Variants in ZDHHC13 observed in about 807,000 individuals in gnomAD.
The protein encoded by ZDHHC13 is zDHHC palmitoyltransferase 13.
ZDHHC13 carries 85 observed loss-of-function variants against 86.0 expected under a neutral mutation model. That is an observed-to-expected ratio of 0.99 (90% confidence interval 0.83 to 1.18). The LOEUF is 1.18. ZDHHC13 is among the 50% of genes most tolerant of loss of function. The pLI, the probability that ZDHHC13 is intolerant of heterozygous loss-of-function variation, is 0.00. For missense variants in ZDHHC13, 711 were observed against 730.2 expected, an observed-to-expected ratio of 0.97 and a Z score of 0.30; for synonymous variants, 263 against 246.4, an observed-to-expected ratio of 1.07 and a Z score of -0.63.
At chr11:19,165,285 AT>A in intron 13 of ZDHHC13, 140 bp downstream of exon 13, 1 of 716,024 alleles carries the variant, frequency 1.4e-6, no homozygotes, top group Non-Finnish European at 2.3e-6. Flanking sequence ...ATGCATCGTT[AT>A]TATGCTACAG....
chr11:19,128,422 T>C (rs368859332), intron 1 of ZDHHC13, among the ~76,000 whole-genome samples: 1 of 152,226 alleles, frequency 6.6e-6, no homozygotes, highest in African/African-American at 2.4e-5. Context: ...CCTCTCTTCC[T>C]ATTTGGATGC....
At chr11:19,123,651 A>AC (rs1302059435) in intron 1 of ZDHHC13, among the ~76,000 whole-genome samples, 5 of 152,134 alleles carry the variant, frequency 3.3e-5, no homozygotes, top group Non-Finnish European at 5.9e-5. Context: ...CATCTCAAAA[A>AC]CAAAACAAAA....
In ZDHHC13 at chr11:19,170,677, A is replaced by C. The variant is rs970721894; in HGVS notation, c.1632+109A>C. 1.2e-5 allele frequency: 13 copies of C among 1,084,142 alleles called. No individual in the cohort carries two copies. The African/African-American group carries it at 1.5e-4, about 12-fold the overall frequency. The allele number at this position is 1,084,142 out of a possible 1,614,324, so 67.2% of individuals were successfully genotyped here. ...TGCACATTCTGTTTTTACCTCTGTC[A>C]CTGACTCTGTGGGTCTAGCCATGTC... is the stretch of plus-strand genomic sequence containing the variant. On this transcript the variant is annotated intron_variant, in intron 15 of 16. Transcript: ENST00000446113.
intron 10 of ZDHHC13, among the ~76,000 whole-genome samples, chr11:19,161,521 G>T (rs1849910504): frequency 6.6e-6 from 1 of 151,844 alleles, no homozygotes; most frequent in Admixed American, 6.6e-5. Context: ...TTCTAGGTTG[G>T]CTTCTCAGAT....
intron 1 of ZDHHC13, among the ~76,000 whole-genome samples, chr11:19,138,852 A>G (rs1404263779): frequency 1.3e-5 from 2 of 152,130 alleles, no homozygotes; most frequent in Non-Finnish European, 2.9e-5. Flanking sequence ...GGCCTTTGAG[A>G]AAATTCAACA....
intron 1 of ZDHHC13, among the ~76,000 whole-genome samples, chr11:19,132,024 C>T (rs1849012667): frequency 6.6e-6 from 1 of 152,146 alleles, no homozygotes; most frequent in South Asian, 2.1e-4. Context: ...CTTATATTAG[C>T]TGTTTTAATG....
Position 19,176,088 on chromosome 11 carries a change from T to C in ZDHHC13, c.*128T>C, listed in dbSNP as rs936578025. 28 of 1,121,200 alleles carry C rather than the reference T, an allele frequency of 2.5e-5. No homozygotes were observed. Among genetic ancestry groups the C allele is most frequent in the Non-Finnish European group, 3.1e-5 (26 of 840,634 alleles). 69.5% of individuals were successfully genotyped at this position (1,121,200 alleles called of 1,614,324 possible). A position where few individuals can be genotyped will look rare whatever the true frequency, so the allele number is the denominator to read the frequency against. Reference sequence around the variant, plus strand: ...GAAAACACGTGGTTTTTAAAGCCATTAGGTAAAAAAAGTTCTCAATAAAGG... The same window carrying C: ...GAAAACACGTGGTTTTTAAAGCCATCAGGTAAAAAAAGTTCTCAATAAAGG... On this transcript the variant is annotated 3_prime_UTR_variant, in exon 17 of 17. Coordinates refer to ENST00000446113, the MANE Select transcript of ZDHHC13 (RefSeq NM_019028.3).
At chr11:19,144,944 A>G (rs867476067) in intron 2 of ZDHHC13, among the ~76,000 whole-genome samples, 9 of 152,226 alleles carry the variant, frequency 5.9e-5, no homozygotes, top group Admixed American at 3.3e-4. Flanking sequence ...GGTGAAACCT[A>G]TTAAAAATAC....
At chr11:19,141,886 G>C (rs1307132474) in intron 1 of ZDHHC13, among the ~76,000 whole-genome samples, 1 of 152,100 alleles carries the variant, frequency 6.6e-6, no homozygotes, top group Non-Finnish European at 1.5e-5. Context: ...GACTATCTTG[G>C]CAGTCATTCT....
intron 1 of ZDHHC13, among the ~76,000 whole-genome samples, chr11:19,120,059 A>T (rs916933376): frequency 4.6e-5 from 7 of 152,256 alleles, no homozygotes; most frequent in African/African-American, 1.7e-4. Flanking sequence ...CAATTCTTAT[A>T]TACAATTTAG....
chr11:19,170,621 G>T, intron 15 of ZDHHC13, 53 bp downstream of exon 15: 2 of 1,445,184 alleles, frequency 1.4e-6, no homozygotes, highest in South Asian at 1.3e-5. Flanking sequence ...AAAACTTGTA[G>T]TGAGACAGCC....
At position 19,163,195 on chromosome 11, in the gene ZDHHC13, T is replaced by C. The variant is rs992975150; in HGVS notation, c.1109-108T>C. 4.3e-6 allele frequency: 5 copies of C among 1,159,382 alleles called. No individual in the cohort carries two copies. In the African/African-American group the frequency reaches 7.9e-5, roughly 18 times the overall value. The allele number at this position is 1,159,382 out of a possible 1,614,324, so 71.8% of individuals were successfully genotyped here. On this transcript the variant is annotated intron_variant, in intron 10 of 16. Coordinates refer to ENST00000446113, the MANE Select transcript of ZDHHC13 (RefSeq NM_019028.3). ...GAAGAGATTTAGGGGCAGGGACATGTGTGCATAAGGAAGGTGAGATTCTTA... is the reference window on the plus strand; with the variant it reads ...GAAGAGATTTAGGGGCAGGGACATGCGTGCATAAGGAAGGTGAGATTCTTA...
At chr11:19,141,325 T>C (rs1364502065) in intron 1 of ZDHHC13, among the ~76,000 whole-genome samples, 1 of 152,176 alleles carries the variant, frequency 6.6e-6, no homozygotes, top group East Asian at 1.9e-4. Context: ...ATGTAAATAA[T>C]ATGTACATTT....
At chr11:19,157,796 A>C (rs141247186) in intron 9 of ZDHHC13, among the ~76,000 whole-genome samples, 2 of 152,248 alleles carry the variant, frequency 1.3e-5, no homozygotes, top group African/African-American at 4.8e-5. Context: ...GACGCAATTC[A>C]AATGTGAGTC....
At chr11:19,164,416 G>T (rs369144401) in intron 12 of ZDHHC13, 53 bp downstream of exon 12, 1 of 1,526,756 alleles carries the variant, frequency 6.5e-7, no homozygotes, top group African/African-American at 1.4e-5. Flanking sequence ...TCTTGGTAAC[G>T]TTGCTGATGT....
chr11:19,135,398 C>T (rs1214311098), intron 1 of ZDHHC13, among the ~76,000 whole-genome samples: 1 of 152,248 alleles, frequency 6.6e-6, no homozygotes, highest in African/African-American at 2.4e-5. Context: ...GAGATTATAT[C>T]CCGCACCTGG....
At chr11:19,164,472 T>A in intron 12 of ZDHHC13, 109 bp downstream of exon 12, 1 of 1,041,448 alleles carries the variant, frequency 9.6e-7, no homozygotes, top group Non-Finnish European at 1.4e-6. Flanking sequence ...CCTTTGTTTT[T>A]ACCCATTTCT....
intron 1 of ZDHHC13, among the ~76,000 whole-genome samples, chr11:19,132,393 C>T (rs968110872): frequency 7.2e-5 from 11 of 152,172 alleles, no homozygotes; most frequent in African/African-American, 2.4e-4. Context: ...AAAGAGTCTC[C>T]GCTTTGGCTG....
chr11:19,160,340 A>G (rs1849876330), intron 10 of ZDHHC13, among the ~76,000 whole-genome samples: 1 of 151,904 alleles, frequency 6.6e-6, no homozygotes, highest in Non-Finnish European at 1.5e-5. Context: ...TTTTTTAAGC[A>G]CTAGCCTTAT....
Sources: allele counts gnomAD v4.1 joint callset (sites outside exome capture counted in the v4.1 genomes callset), GRCh38; gene constraint gnomAD v4.1.1; transcripts MANE v1.5; gene names NCBI Gene and HGNC (gene_info 2026-07-23, HGNC 2026-07-21).